FCHSD2: variants seen among roughly 807,000 people sequenced by gnomAD.
The protein encoded by FCHSD2 is FCH and double SH3 domains 2.
A neutral mutation model predicts 108.1 loss-of-function variants in FCHSD2; 38 were observed. The observed-to-expected ratio is 0.35, with a 90% CI of 0.27 to 0.46. FCHSD2 has a LOEUF of 0.46. FCHSD2 is among the 20% of genes least tolerant of loss of function. The pLI is 1.00. For synonymous variants in FCHSD2, 279 were observed against 314.7 expected (o/e 0.89, Z 1.20); for missense variants, 751 against 897.8 (o/e 0.84, Z 2.09).
In FCHSD2 at chr11:72,994,617, T is replaced by C. The variant is rs143606848; in HGVS notation, c.388-5520A>G. On this transcript the variant is annotated intron_variant, in intron 5 of 19. Coordinates refer to ENST00000409418, the MANE Select transcript of FCHSD2 (RefSeq NM_014824.3). ...CGTCTCTACTAAAAATACAAAAAAA[T>C]TAGCTGGGTGTGGTGGTGGGCGCCT... Among the ~76,000 whole-genome samples, 19 of 152,028 alleles carry C rather than the reference T, an allele frequency of 1.2e-4. No homozygotes were observed. In the East Asian group the frequency reaches 3.7e-3, roughly 29 times the overall value.
intron 14 of FCHSD2, among the ~76,000 whole-genome samples, chr11:72,846,031 T>C (rs1861125254): frequency 1.3e-5 from 2 of 152,066 alleles, no homozygotes; most frequent in African/African-American, 4.8e-5. Flanking sequence ...CTCATAGGGT[T>C]ATTGAAGGGA....
chr11:73,101,044 T>C (rs1467036329), intron 2 of FCHSD2, among the ~76,000 whole-genome samples: 3 of 152,112 alleles, frequency 2.0e-5, no homozygotes, highest in Non-Finnish European at 4.4e-5. Flanking sequence ...AAAGTACCTC[T>C]AAACCAGTAC....
intron 8 of FCHSD2, among the ~76,000 whole-genome samples, chr11:72,930,306 C>T (rs1473626836): frequency 6.6e-6 from 1 of 152,198 alleles, no homozygotes; most frequent in Admixed American, 6.5e-5. Flanking sequence ...CCAATCACAG[C>T]TTGCCAGCTC....
chr11:73,100,229 C>A (rs1425778192), intron 2 of FCHSD2, among the ~76,000 whole-genome samples: 1 of 152,196 alleles, frequency 6.6e-6, no homozygotes, highest in African/African-American at 2.4e-5. Flanking sequence ...GACCATTCCT[C>A]TTCGCGTCCC....
chr11:72,985,288 AG>A (rs1434186108), intron 6 of FCHSD2, among the ~76,000 whole-genome samples, 172 bp from the exon 7 acceptor site: 2 of 150,706 alleles, frequency 1.3e-5, no homozygotes, highest in African/African-American at 4.9e-5. Flanking sequence ...ATTTTACTAC[AG>A]GAAGAATTTA....
chr11:72,910,564 C>A (rs1225762832), intron 9 of FCHSD2, among the ~76,000 whole-genome samples: 1 of 152,152 alleles, frequency 6.6e-6, no homozygotes, highest in African/African-American at 2.4e-5. Flanking sequence ...TCTGTCAACT[C>A]AGGGTTAAAT....
chr11:72,879,913 C>T lies in FCHSD2; in HGVS notation c.1146+7557G>A, dbSNP rs993750352. ...ACTTGAGAGACTGAGGCCGAACAAT[C>T]GGTTGAACCCAGGAGGCGGAGCTTG... On this transcript the variant is annotated intron_variant, in intron 12 of 19. Coordinates refer to ENST00000409418, the MANE Select transcript of FCHSD2 (RefSeq NM_014824.3). Among the ~76,000 whole-genome samples, 5 of 149,078 alleles carry T rather than the reference C, an allele frequency of 3.4e-5. No individual in the cohort carries two copies. In the Admixed American group the frequency reaches 3.4e-4, roughly 10 times the overall value.
rs561188677 is a variant in FCHSD2 at position 72,844,017 on chromosome 11, A to G, written c.1444-485T>C. Among the ~76,000 whole-genome samples, 3 of 152,196 alleles carry G rather than the reference A, an allele frequency of 2.0e-5. No individual in the cohort carries two copies. The East Asian group carries it at 5.8e-4, about 29-fold the overall frequency. On this transcript the variant is annotated intron_variant, in intron 14 of 19. Coordinates refer to ENST00000409418, the MANE Select transcript of FCHSD2 (RefSeq NM_014824.3). ...AGCGAGACCCTGTCTCTAAAAAAAC[A>G]AACAAAAAAAGAGAGCACTTCCTGG...
intron 10 of FCHSD2, among the ~76,000 whole-genome samples, chr11:72,902,176 A>G (rs1427606341): frequency 6.6e-6 from 1 of 152,132 alleles, no homozygotes; most frequent in African/African-American, 2.4e-5. Flanking sequence ...CGCACGGCCT[A>G]CTCTGGTTAA....
At chr11:72,939,717 C>T (rs1020402459) in intron 8 of FCHSD2, among the ~76,000 whole-genome samples, 3 of 140,096 alleles carry the variant, frequency 2.1e-5, no homozygotes, top group African/African-American at 7.9e-5. Flanking sequence ...CTCCCGGGTT[C>T]AAGTGATTCT....
At chr11:72,959,218 G>GTA (rs1565342294) in intron 8 of FCHSD2, among the ~76,000 whole-genome samples, 1 of 61,566 alleles carries the variant, frequency 1.6e-5, no homozygotes, top group Non-Finnish European at 3.1e-5. Context: ...ATATCCAGCA[G>GTA]TCTTTTTTTT....
At chr11:73,046,387 T>C (rs1384244669) in intron 3 of FCHSD2, among the ~76,000 whole-genome samples, 2 of 152,170 alleles carry the variant, frequency 1.3e-5, no homozygotes, top group South Asian at 2.1e-4. Context: ...CAAGAATGCA[T>C]TGTAAATAGC....
intron 13 of FCHSD2, among the ~76,000 whole-genome samples, chr11:72,862,931 T>G (rs1854633122): frequency 6.6e-6 from 1 of 152,060 alleles, no homozygotes; most frequent in Non-Finnish European, 1.5e-5. Flanking sequence ...CATATATGAT[T>G]AATTTTTTTT....
chr11:73,125,163 A>G (rs1203595608), intron 2 of FCHSD2, among the ~76,000 whole-genome samples: 1 of 152,260 alleles, frequency 6.6e-6, no homozygotes, highest in African/African-American at 2.4e-5. Context: ...AAAGAAAATG[A>G]TAACAGATGG....
intron 2 of FCHSD2, among the ~76,000 whole-genome samples, chr11:73,116,534 T>C (rs1360707433): frequency 6.6e-6 from 1 of 152,118 alleles, no homozygotes; most frequent in African/African-American, 2.4e-5. Flanking sequence ...ATTCCTTCTT[T>C]CGTTTTTGTT....
At chr11:72,891,165 C>G (rs1243194069) in intron 10 of FCHSD2, among the ~76,000 whole-genome samples, 1 of 152,102 alleles carries the variant, frequency 6.6e-6, no homozygotes, top group Admixed American at 6.5e-5. Context: ...CTCCTTGGCT[C>G]AAGTAATCCT....
At chr11:73,035,203 T>C (rs1262027770) in intron 3 of FCHSD2, among the ~76,000 whole-genome samples, 2 of 46,500 alleles carry the variant, frequency 4.3e-5, no homozygotes, top group East Asian at 3.2e-4. Flanking sequence ...TGTATGTATG[T>C]ACGTACTAAG....
At chr11:72,951,191 G>T (rs1192973200) in intron 8 of FCHSD2, among the ~76,000 whole-genome samples, 1 of 152,140 alleles carries the variant, frequency 6.6e-6, no homozygotes, top group Admixed American at 6.5e-5. Context: ...TGCATTTTGG[G>T]TCTTCCTATT....
intron 3 of FCHSD2, among the ~76,000 whole-genome samples, chr11:73,029,422 T>G (rs1180757047): frequency 6.6e-6 from 1 of 152,160 alleles, no homozygotes; most frequent in Non-Finnish European, 1.5e-5. Context: ...GAGAGTAAAT[T>G]ACAGTTAATT....
Sources: allele counts gnomAD v4.1 joint callset (sites outside exome capture counted in the v4.1 genomes callset), GRCh38; gene constraint gnomAD v4.1.1; transcripts MANE v1.5; gene names NCBI Gene and HGNC (gene_info 2026-07-23, HGNC 2026-07-21).